The following LNX1 variants were observed in gnomAD, a reference collection of about 807,000 sequenced individuals.
LNX1 encodes E3 ubiquitin-protein ligase LNX.
A neutral mutation model predicts 68.4 loss-of-function variants in LNX1; 54 were observed. The observed-to-expected ratio is 0.79, with a 90% confidence interval of 0.63 to 0.99. The LOEUF is 0.99. LNX1 is among the 50% of genes least tolerant of loss of function. LNX1 has a pLI of 0.00. For missense variants in LNX1, 906 were observed against 926.4 expected (o/e 0.98, Z 0.29); for synonymous variants, 336 against 350.0 (o/e 0.96, Z 0.45).
rs746505760 is a variant in LNX1, at chr4:53,574,089, C to A, written c.-86-1G>T. 6.0e-5 allele frequency: 90 copies of A among 1,498,126 alleles called. No homozygotes were observed. Among genetic ancestry groups the A allele is most frequent in the Non-Finnish European group, 7.6e-5 (86 of 1,126,494 alleles). 92.8% of individuals were successfully genotyped at this position (1,498,126 alleles called of 1,614,324 possible). A position where few individuals can be genotyped will look rare whatever the true frequency, so the allele number is the denominator to read the frequency against. ...CAAGATCTAGGAGACATCCACACAC[C>A]TAAAAAAGAACAAGAAGGCTCACCT... On this transcript the variant is annotated splice_acceptor_variant, in intron 1 of 10. Transcript: ENST00000263925. LOFTEE classifies it low-confidence loss of function (5UTR_SPLICE).
At chr4:53,588,598 T>G (rs1231725496) in intron 1 of LNX1, among the ~76,000 whole-genome samples, 3 of 152,176 alleles carry the variant, frequency 2.0e-5, no homozygotes, top group African/African-American at 7.2e-5. Context: ...CCAGTCAGTC[T>G]GACCTACCCA....
intron 9 of LNX1, among the ~76,000 whole-genome samples, chr4:53,468,584 T>A (rs1249018111): frequency 6.6e-6 from 1 of 152,154 alleles, no homozygotes; most frequent in Non-Finnish European, 1.5e-5. Flanking sequence ...GTGTGCTGTA[T>A]TCAGGAAACC....
At chr4:53,550,693 C>T (rs1729440780) in intron 2 of LNX1, among the ~76,000 whole-genome samples, 1 of 152,186 alleles carries the variant, frequency 6.6e-6, no homozygotes, top group Non-Finnish European at 1.5e-5. Context: ...TCTGGACCTT[C>T]CTGTGTGGAT....
intron 1 of LNX1, chr4:53,575,609 G>A: frequency 5.4e-6 from 7 of 1,298,258 alleles, no homozygotes; most frequent in Non-Finnish European, 6.8e-6. Flanking sequence ...TCCCACCTTG[G>A]GACCAGGCCC....
intron 2 of LNX1, among the ~76,000 whole-genome samples, chr4:53,555,363 C>T (rs1174135914): frequency 1.3e-5 from 2 of 152,048 alleles, no homozygotes. Flanking sequence ...CCGTTTCTGC[C>T]TCATTCCTCT....
chr4:53,540,342 C>A (rs1307410010), intron 2 of LNX1, among the ~76,000 whole-genome samples: 1 of 152,182 alleles, frequency 6.6e-6, no homozygotes, highest in East Asian at 1.9e-4. Context: ...ATGACTCCGC[C>A]ACTGCACTCC....
chr4:53,602,578 C>T (rs1733060882), intron 2 of LNX1, among the ~76,000 whole-genome samples: 1 of 152,184 alleles, frequency 6.6e-6, no homozygotes, highest in Non-Finnish European at 1.5e-5. Context: ...AGTGACACCT[C>T]CTATAATGGG....
intron 6 of LNX1, among the ~76,000 whole-genome samples, chr4:53,488,589 C>T (rs954100652): frequency 2.0e-5 from 3 of 152,086 alleles, no homozygotes; most frequent in Admixed American, 6.5e-5. Context: ...TCATTAATGG[C>T]GTTTCAATTT....
intron 2 of LNX1, chr4:53,557,859 A>G: frequency 6.2e-7 from 1 of 1,613,088 alleles, no homozygotes; most frequent in Non-Finnish European, 8.5e-7. Flanking sequence ...AGGCACGGAC[A>G]GAGAGGGGAC....
At chr4:53,461,696 G>C in intron 9 of LNX1, 103 bp from the exon 10 acceptor site, 1 of 858,152 alleles carries the variant, frequency 1.2e-6, no homozygotes, top group Non-Finnish European at 1.8e-6. Flanking sequence ...ATTTTTAATG[G>C]CTAAGTACCA....
At chr4:53,607,690 G>C (rs750192420) in intron 2 of LNX1, among the ~76,000 whole-genome samples, 3 of 152,274 alleles carry the variant, frequency 2.0e-5, no homozygotes, top group African/African-American at 7.2e-5. Flanking sequence ...AAAGAACAAA[G>C]CTGGAGGCAT....
At chr4:53,551,945 C>T (rs1729544892) in intron 2 of LNX1, among the ~76,000 whole-genome samples, 1 of 152,162 alleles carries the variant, frequency 6.6e-6, no homozygotes, top group Admixed American at 6.5e-5. Flanking sequence ...ATTGGAATTG[C>T]TCATTTTAAT....
upstream of LNX1, among the ~76,000 whole-genome samples, chr4:53,595,134 G>C (rs1159173400): frequency 1.3e-5 from 2 of 152,220 alleles, no homozygotes; most frequent in Admixed American, 1.3e-4. Context: ...ATTGGGCCTT[G>C]AACGATTTGG....
At chr4:53,514,910 A>G (rs989986895) in intron 2 of LNX1, among the ~76,000 whole-genome samples, 2 of 152,220 alleles carry the variant, frequency 1.3e-5, no homozygotes, top group Non-Finnish European at 2.9e-5. Flanking sequence ...CTGACAAATT[A>G]GGCTAAACAT....
chr4:53,501,312 A>T (rs1195683146), intron 4 of LNX1, among the ~76,000 whole-genome samples: 1 of 31,116 alleles, frequency 3.2e-5, no homozygotes, highest in African/African-American at 1.1e-4. Context: ...GGGTGGGGGG[A>T]CAGGATCTCA....
At chr4:53,502,160 G>C (rs1364058463) in intron 4 of LNX1, among the ~76,000 whole-genome samples, 1 of 152,074 alleles carries the variant, frequency 6.6e-6, no homozygotes. Context: ...CTATATGCTG[G>C]CATTGAGCTA....
At chr4:53,556,062 T>G (rs1243770397) in intron 2 of LNX1, among the ~76,000 whole-genome samples, 2 of 152,206 alleles carry the variant, frequency 1.3e-5, no homozygotes, top group Non-Finnish European at 2.9e-5. Context: ...GTGACCATAT[T>G]TGGAACAAGG....
intron 2 of LNX1, among the ~76,000 whole-genome samples, chr4:53,519,839 T>C (rs1727080690): frequency 6.6e-6 from 1 of 152,234 alleles, no homozygotes; most frequent in Admixed American, 6.5e-5. Flanking sequence ...TGCGCAGGTT[T>C]GCGCAGTTTG....
chr4:53,599,923 G>T (rs527913693), intron 2 of LNX1, among the ~76,000 whole-genome samples: 1 of 152,304 alleles, frequency 6.6e-6, no homozygotes, highest in South Asian at 2.1e-4. Flanking sequence ...GGCTGGCATT[G>T]CACCTTGGGA....
Sources: gnomAD v4.1 joint callset for allele counts (sites outside exome capture counted in the v4.1 genomes callset) on GRCh38, gnomAD v4.1.1 for gene constraint, MANE v1.5 for transcripts, NCBI Gene and HGNC (gene_info 2026-07-23, HGNC 2026-07-21) for gene names.